The following ZFAT variants were observed in gnomAD, a reference collection of about 807,000 sequenced individuals.
The protein encoded by ZFAT is zinc finger and AT-hook domain containing.
Under a neutral mutation model 117.7 loss-of-function variants are expected in ZFAT, and 64 were observed. The observed-to-expected ratio is 0.54, with a 90% CI of 0.44 to 0.67. The LOEUF is 0.67. Among genes scored for constraint, ZFAT ranks in the 30% least tolerant of loss-of-function variants. The pLI is 0.00. For missense variants in ZFAT, 1,433 were observed against 1,584.5 expected, an observed-to-expected ratio of 0.90 and a Z score of 1.62; for synonymous variants, 679 against 615.0, an observed-to-expected ratio of 1.10 and a Z score of -1.54.
chr8:134,550,437 T>C (rs1003534409), intron 11 of ZFAT, among the ~76,000 whole-genome samples: 1 of 151,538 alleles, frequency 6.6e-6, no homozygotes, highest in Admixed American at 6.6e-5. Flanking sequence ...AATTAAACAA[T>C]TTAAGAGAAT....
At chr8:134,629,682 G>A (rs1321190927) in intron 3 of ZFAT, among the ~76,000 whole-genome samples, 2 of 152,158 alleles carry the variant, frequency 1.3e-5, no homozygotes, top group Non-Finnish European at 2.9e-5. Flanking sequence ...ACCATATAAA[G>A]ACGGTCCTTG....
chr8:134,649,606 G>A (rs1415060446), intron 2 of ZFAT, among the ~76,000 whole-genome samples: 1 of 152,158 alleles, frequency 6.6e-6, no homozygotes, highest in Admixed American at 6.5e-5. Context: ...TCCATTTACA[G>A]TAGCATCGAA....
rs1563660321 is a variant in ZFAT, at chr8:134,602,296, T to C, written c.1423A>G (p.Thr475Ala). The C allele has an allele frequency of 6.2e-7, 1 of 1,613,920 alleles. No homozygotes were observed. The part of the protein sequence containing the change: ...KKFVSSIRLR[T>A]HIKEVHGAAQ... ...GCCCCGTGCACCTCTTTGATGTGGG[T>C]GCGCAGCCTGATGGAGCTGACGAAC... Residue 475 changes from threonine (T) to alanine (A), a missense_variant, in exon 6 of 16, where the codon ACC becomes GCC. By Grantham distance (58) the Thr-to-Ala change is moderately conservative. Coordinates refer to ENST00000377838, the MANE Select transcript of ZFAT (RefSeq NM_020863.4).
At chr8:134,810,538 A>C in the ZFAT span, among the ~76,000 whole-genome samples, 1 of 152,212 alleles carries the variant, frequency 6.6e-6, no homozygotes, top group Non-Finnish European at 1.5e-5. Flanking sequence ...TTTATCCTTC[A>C]TAAAGTCTGA....
In ZFAT at chr8:134,605,418, C is replaced by T. The variant is rs182351464; in HGVS notation, c.786-2485G>A. Among the ~76,000 whole-genome samples the T allele has an allele frequency of 3.6e-3, 546 of 152,022 alleles. 6 individuals carry two copies. The highest frequency in any genetic ancestry group is 0.013 in the African/African-American group (520 of 41,456). On this transcript the variant is annotated intron_variant, in intron 5 of 15. Transcript: ENST00000377838. ...AAAATTAGCTGGGTGTGGTGGTGGG[C>T]GCCTGCAGTCCCAGCTACTCGGGAG... is the stretch of plus-strand genomic sequence containing the variant.
intron 2 of ZFAT, among the ~76,000 whole-genome samples, chr8:134,653,291 A>G (rs1831383653): frequency 2.0e-5 from 2 of 101,196 alleles, no homozygotes; most frequent in Non-Finnish European, 4.1e-5. Context: ...AAAAAAAAAA[A>G]CAAAAAACAG....
the ZFAT span, among the ~76,000 whole-genome samples, chr8:134,743,326 T>C: frequency 6.6e-6 from 1 of 152,022 alleles, no homozygotes; most frequent in East Asian, 1.9e-4. Context: ...CCGTCTCTAC[T>C]AAAAATACAA....
At chr8:134,493,362 G>A (rs577939615) in intron 15 of ZFAT, among the ~76,000 whole-genome samples, 108 of 152,204 alleles carry the variant, frequency 7.1e-4, no homozygotes, top group Non-Finnish European at 1.2e-3. Context: ...AAGGGCCTTC[G>A]AAACAGGCTG....
Position 134,601,841 on chromosome 8 carries a change from C to T in ZFAT, c.1878G>A (p.Thr626=), listed in dbSNP as rs777603767. 3.2e-5 allele frequency: 52 copies of T among 1,612,576 alleles called. No individual in the cohort carries two copies. The highest frequency in any genetic ancestry group is 3.0e-5 in the Non-Finnish European group (35 of 1,179,126). The change falls in exon 6 of 16, where the codon ACG becomes ACA. Residue 626 remains threonine (T), a synonymous_variant. Transcript: ENST00000377838. The stretch of plus-strand genomic sequence containing the variant: ...GCAGTAGTGTGATCACTTCACCTTG[C>T]GTCTGGACTGAGCTTCTGTGCTGCA... ...PDMQHRSSVQ[T]QGEVITLLLS...
chr8:134,646,778 C>T (rs1246848440), intron 2 of ZFAT, among the ~76,000 whole-genome samples: 1 of 151,876 alleles, frequency 6.6e-6, no homozygotes, highest in Non-Finnish European at 1.5e-5. Flanking sequence ...CAATTATATG[C>T]CAACCAACTA....
chr8:134,565,496 A>G, intron 10 of ZFAT, 75 bp from the exon 11 acceptor site: 1 of 1,374,888 alleles, frequency 7.3e-7, no homozygotes, highest in Non-Finnish European at 1.0e-6. Context: ...CCAGGCATGG[A>G]GCCAGGTACA....
At chr8:134,492,231 C>T (rs1490238658) in intron 15 of ZFAT, among the ~76,000 whole-genome samples, 2 of 152,186 alleles carry the variant, frequency 1.3e-5, no homozygotes, top group Non-Finnish European at 2.9e-5. Context: ...GATGGCTCAA[C>T]TGGTCTCCAA....
At chr8:134,581,594 G>A (rs796751739) in intron 10 of ZFAT, among the ~76,000 whole-genome samples, 1 of 151,954 alleles carries the variant, frequency 6.6e-6, no homozygotes, top group East Asian at 1.9e-4. Flanking sequence ...TTTTTGGCAG[G>A]GGGGGTGTAG....
the ZFAT span, among the ~76,000 whole-genome samples, chr8:134,752,550 G>A: frequency 6.6e-6 from 1 of 152,218 alleles, no homozygotes; most frequent in African/African-American, 2.4e-5. Flanking sequence ...CATCTCAAAT[G>A]TTAAGACTGA....
At chr8:134,735,401 C>T in the ZFAT span, among the ~76,000 whole-genome samples, 3 of 152,138 alleles carry the variant, frequency 2.0e-5, no homozygotes, top group African/African-American at 7.2e-5. Flanking sequence ...GATTGGAGGG[C>T]AGGCTATAGC....
the ZFAT span, among the ~76,000 whole-genome samples, chr8:134,746,857 C>T: frequency 3.9e-4 from 59 of 152,296 alleles, no homozygotes; most frequent in South Asian, 6.2e-4. Context: ...AGAATCCACG[C>T]TTTGTGAAAA....
At chr8:134,653,264 C>CT (rs150558948) in intron 2 of ZFAT, among the ~76,000 whole-genome samples, 15,511 of 84,068 alleles carry the variant, frequency 0.18, 1,907 homozygotes, top group East Asian at 0.54. Flanking sequence ...ACCCAAATGT[C>CT]TTTTTTAAAA....
chr8:134,777,342 C>T, the ZFAT span, among the ~76,000 whole-genome samples: 1 of 152,176 alleles, frequency 6.6e-6, no homozygotes, highest in Non-Finnish European at 1.5e-5. Context: ...CAGTGCACTT[C>T]TTCTTGCTTC....
the ZFAT span, among the ~76,000 whole-genome samples, chr8:134,755,832 A>AG: frequency 4.6e-5 from 7 of 150,844 alleles, no homozygotes; most frequent in Admixed American, 2.0e-4. Flanking sequence ...AAAAAAAAAA[A>AG]AAAAGAAAAA....
Sources: gnomAD v4.1 joint callset for allele counts (sites outside exome capture counted in the v4.1 genomes callset) on GRCh38, gnomAD v4.1.1 for gene constraint, MANE v1.5 for transcripts, NCBI Gene and HGNC (gene_info 2026-07-23, HGNC 2026-07-21) for gene names.